Variants in CLEC19A observed in about 807,000 individuals in gnomAD.
The protein encoded by CLEC19A is C-type lectin domain family 19 member A.
CLEC19A carries 21 observed loss-of-function variants against 26.1 expected under a neutral mutation model. The ratio of observed to expected loss-of-function variants is 0.80; its 90% CI spans 0.57 to 1.16. The LOEUF is 1.16. Among genes scored for constraint, CLEC19A ranks in the 50% most tolerant of loss-of-function variants. The pLI is 0.00. For missense variants in CLEC19A, 224 were observed against 227.6 expected (o/e 0.98, Z 0.10); for synonymous variants, 89 against 88.6 (o/e 1.00, Z -0.03).
At chr16:19,306,663 C>T (rs179225) in intron 3 of CLEC19A, among the ~76,000 whole-genome samples, 10,610 of 152,128 alleles carry the variant, frequency 0.07, 496 homozygotes, top group East Asian at 0.27. Context: ...CACCATGTGT[C>T]AGGCATTGTA....
At chr16:19,293,605 A>G (rs1897638403) in intron 1 of CLEC19A, among the ~76,000 whole-genome samples, 1 of 151,940 alleles carries the variant, frequency 6.6e-6, no homozygotes, top group South Asian at 2.1e-4. Context: ...TGGGACTACA[A>G]GCACATGCCA....
rs570995963 is a variant in CLEC19A at position 19,301,184 on chromosome 16, A to G, written c.254+2346A>G. Reference sequence around the variant, plus strand: ...CAAGGCTTTTCTCTAGACAGCCCTCATTGTACTTGCAACCTCAGTTGCATC... The same window carrying G: ...CAAGGCTTTTCTCTAGACAGCCCTCGTTGTACTTGCAACCTCAGTTGCATC... On this transcript the variant is annotated intron_variant, in intron 2 of 4. Transcript: ENST00000636231. Among the ~76,000 whole-genome samples, 36 of 152,338 alleles carry G rather than the reference A, an allele frequency of 2.4e-4. No individual in the cohort carries two copies. The South Asian group carries it at 7.2e-3, about 31-fold the overall frequency.
chr16:19,301,244 AGCCAGCCCCTG>A (rs1207428427), intron 2 of CLEC19A, among the ~76,000 whole-genome samples: 1 of 152,242 alleles, frequency 6.6e-6, no homozygotes, highest in Non-Finnish European at 1.5e-5. Flanking sequence ...CAAACTAACC[AGCCAGCCCCTG>A]GGAGAACAGG....
intron 4 of CLEC19A, 95 bp from the exon 5 acceptor site, chr16:19,308,909 T>C: frequency 1.1e-6 from 1 of 922,784 alleles, no homozygotes. Context: ...ACACAAGGCC[T>C]ATTGGAGATG....
intron 1 of CLEC19A, among the ~76,000 whole-genome samples, chr16:19,288,901 TC>T (rs1225800041): frequency 6.6e-6 from 1 of 152,138 alleles, no homozygotes; most frequent in Non-Finnish European, 1.5e-5. Flanking sequence ...TGTAGCCTCT[TC>T]CTCACCCATC....
Position 19,298,801 on chromosome 16 carries a change from G to T in CLEC19A, c.217G>T (p.Val73Leu). Residue 73 changes from valine (V) to leucine (L), a missense_variant, in exon 2 of 5, where the codon GTG becomes TTG. By Grantham distance (32) the Val-to-Leu change is conservative. Coordinates refer to ENST00000636231, the MANE Select transcript of CLEC19A (RefSeq NM_001256720.2). ...EADLYCSEFS[V>L]GRKSAKLASI... ...CGACCTCTACTGTTCTGAGTTCTCT[G>T]TGGGCAGGAAGTCCGCCAAGCTGGC... 1 of 1,550,656 alleles carries T rather than the reference G, an allele frequency of 6.4e-7. No individual in the cohort carries two copies. The highest frequency in any genetic ancestry group is 8.7e-7 in the Non-Finnish European group (1 of 1,146,978).
chr16:19,297,370 C>T (rs536812383), intron 1 of CLEC19A, among the ~76,000 whole-genome samples: 5 of 152,148 alleles, frequency 3.3e-5, no homozygotes, highest in Non-Finnish European at 7.3e-5. Flanking sequence ...AGTGATAACA[C>T]TGAGCTCTGG....
At chr16:19,293,409 G>A (rs1021155762) in intron 1 of CLEC19A, among the ~76,000 whole-genome samples, 1 of 151,992 alleles carries the variant, frequency 6.6e-6, no homozygotes, top group Admixed American at 6.6e-5. Flanking sequence ...CTGGGTGAAC[G>A]GTATACAGGA....
chr16:19,310,557 C>G lies in CLEC19A; in HGVS notation c.*1474C>G, dbSNP rs1035856497. On this transcript the variant is annotated 3_prime_UTR_variant, in exon 5 of 5. Coordinates refer to ENST00000636231, the MANE Select transcript of CLEC19A (RefSeq NM_001256720.2). ...TGAAGACAACCCAAGTGCTCACCAA[C>G]AGATGAATGACTAAACAAATGTGGT... 3 of 152,260 alleles carry G rather than the reference C, an allele frequency of 2.0e-5. No homozygotes were observed. In the South Asian group the frequency reaches 6.2e-4, roughly 32 times the overall value. 9.4% of individuals were successfully genotyped at this position (152,260 alleles called of 1,614,324 possible).
Position 19,309,608 on chromosome 16 carries a change from T to C in CLEC19A, c.*525T>C, listed in dbSNP as rs758060842. On this transcript the variant is annotated 3_prime_UTR_variant, in exon 5 of 5. Coordinates refer to ENST00000636231, the MANE Select transcript of CLEC19A (RefSeq NM_001256720.2). ...CTATAGTTAATAATAATGTATTGTA[T>C]TCCTGAAATTTGCTACGAGAGTAAT... 1 of 151,550 alleles carries C rather than the reference T, an allele frequency of 6.6e-6. No individual in the cohort carries two copies. Among genetic ancestry groups the C allele is most frequent in the Non-Finnish European group, 1.5e-5 (1 of 68,202 alleles). 9.4% of individuals were successfully genotyped at this position (151,550 alleles called of 1,614,324 possible). A position where few individuals can be genotyped will look rare whatever the true frequency, so the allele number is the denominator to read the frequency against.
Position 19,298,790 on chromosome 16 carries a change from C to G in CLEC19A, c.206C>G (p.Ser69Cys). 2 of 1,550,720 alleles carry G rather than the reference C, an allele frequency of 1.3e-6. No individual in the cohort carries two copies. The highest frequency in any genetic ancestry group is 2.4e-5 in the South Asian group (2 of 84,040). ...TGGGCTGAGGCCGACCTCTACTGTT[C>G]TGAGTTCTCTGTGGGCAGGAAGTCC... ...KTWAEADLYC[S>C]EFSVGRKSAK... Residue 69 changes from serine (S) to cysteine (C), a missense_variant, in exon 2 of 5, where the codon TCT becomes TGT. By Grantham distance (112) the Ser-to-Cys change is moderately radical. Coordinates refer to ENST00000636231, the MANE Select transcript of CLEC19A (RefSeq NM_001256720.2).
At chr16:19,307,413 C>A in intron 3 of CLEC19A, 132 bp from the exon 4 acceptor site, 1 of 940,992 alleles carries the variant, frequency 1.1e-6, no homozygotes, top group Non-Finnish European at 1.6e-6. Flanking sequence ...ATAGCAGTAG[C>A]CTCAATGAAG....
At chr16:19,286,032 G>C in intron 1 of CLEC19A, 93 bp downstream of exon 1, 1 of 1,287,522 alleles carries the variant, frequency 7.8e-7, no homozygotes, top group Non-Finnish European at 1.1e-6. Flanking sequence ...TCTGTTGGGG[G>C]GTTGGGGTGG....
intron 1 of CLEC19A, among the ~76,000 whole-genome samples, chr16:19,292,922 G>T: frequency 6.6e-6 from 1 of 152,210 alleles, no homozygotes; most frequent in Non-Finnish European, 1.5e-5. Flanking sequence ...TCAGGGAAAT[G>T]AGGTCAGGCT....
intron 2 of CLEC19A, among the ~76,000 whole-genome samples, chr16:19,303,404 G>C (rs179220): frequency 0.63 from 95,048 of 151,934 alleles, 30,935 homozygotes; most frequent in East Asian, 0.89. Flanking sequence ...TTGTTTTTGG[G>C]AGTGGACTCT....
Position 19,307,665 on chromosome 16 carries a change from A to G in CLEC19A, c.469A>G (p.Arg157Gly). The G allele has an allele frequency of 1.9e-6, 3 of 1,548,274 alleles. No homozygotes were observed. The highest frequency in any genetic ancestry group is 1.7e-6 in the Non-Finnish European group (2 of 1,146,792). ...EEEDCVQIWYRPTSALRSWND... is the reference protein window; with the variant it reads ...EEEDCVQIWYGPTSALRSWND... Reference sequence around the variant, plus strand: ...AGAGGACTGCGTGCAGATATGGTACAGGCCTACCAGTGGTGGGTACCCCTG... The same window carrying G: ...AGAGGACTGCGTGCAGATATGGTACGGGCCTACCAGTGGTGGGTACCCCTG... Residue 157 changes from arginine (R) to glycine (G), a missense_variant, in exon 4 of 5, where the codon AGG becomes GGG. Coordinates refer to ENST00000636231, the MANE Select transcript of CLEC19A (RefSeq NM_001256720.2).
At chr16:19,292,656 T>G (rs1410029293) in intron 1 of CLEC19A, among the ~76,000 whole-genome samples, 3 of 152,178 alleles carry the variant, frequency 2.0e-5, no homozygotes, top group African/African-American at 4.8e-5. Flanking sequence ...AATGTTGAGG[T>G]GCAAGGGGCT....
chr16:19,295,845 G>A (rs952284946), intron 1 of CLEC19A, among the ~76,000 whole-genome samples: 1 of 152,188 alleles, frequency 6.6e-6, no homozygotes, highest in Admixed American at 6.5e-5. Context: ...GTTGTAGGCA[G>A]TGCTCAAAAG....
chr16:19,287,401 GT>G (rs1233692971), intron 1 of CLEC19A, among the ~76,000 whole-genome samples: 2 of 152,044 alleles, frequency 1.3e-5, no homozygotes, highest in African/African-American at 4.8e-5. Context: ...CTTCCCAAAG[GT>G]CCCCCCTCCC....
Sources: gnomAD v4.1 joint callset for allele counts (sites outside exome capture counted in the v4.1 genomes callset) on GRCh38, gnomAD v4.1.1 for gene constraint, MANE v1.5 for transcripts, NCBI Gene and HGNC (gene_info 2026-07-23, HGNC 2026-07-21) for gene names.